Variants in NANS observed in about 807,000 individuals in gnomAD.
The protein encoded by NANS is N-acetylneuraminate synthase, also known as N-acetylneuraminate-9-phosphate synthase.
Under a neutral mutation model 33.3 loss-of-function variants are expected in NANS, and 29 were observed. The ratio of observed to expected loss-of-function variants is 0.87; its 90% confidence interval spans 0.65 to 1.19. The LOEUF is 1.19. Among genes scored for constraint, NANS ranks in the 50% most tolerant of loss-of-function variants. The pLI, the probability that NANS is intolerant of heterozygous loss-of-function variation, is 0.00. For missense variants in NANS, 394 were observed against 461.1 expected, an observed-to-expected ratio of 0.85 and a Z score of 1.33; for synonymous variants, 163 against 177.2, an observed-to-expected ratio of 0.92 and a Z score of 0.64.
At chr9:98,080,107 A>G (rs1482820097) in intron 4 of NANS, among the ~76,000 whole-genome samples, 2 of 152,198 alleles carry the variant, frequency 1.3e-5, no homozygotes, top group South Asian at 4.1e-4. Context: ...CCAGCTGCTC[A>G]GGAGGCTGAG....
chr9:98,079,768 T>C lies in NANS; in HGVS notation c.604-1048T>C, dbSNP rs369779612. Among the ~76,000 whole-genome samples, 369 of 152,340 alleles carry C rather than the reference T, an allele frequency of 2.4e-3. 17 individuals carry two copies. In the South Asian group the frequency reaches 0.073, roughly 30 times the overall value. On this transcript the variant is annotated intron_variant, in intron 4 of 5. Transcript: ENST00000210444. ...TGTCCTCTCTCTTGACACTACACAT[T>C]GCAGGAGTTATTCTGCCAGCCTATC...
rs558755315 is a variant in NANS, at chr9:98,070,306, C to T, written c.349-6612C>T. ...CTAATTTTTGTATTTTTAGTAGAGACGGGGTTTCACCATGTTGACCAGGCT... is the reference window on the plus strand; with the variant it reads ...CTAATTTTTGTATTTTTAGTAGAGATGGGGTTTCACCATGTTGACCAGGCT... On this transcript the variant is annotated intron_variant, in intron 2 of 5. Coordinates refer to ENST00000210444, the MANE Select transcript of NANS (RefSeq NM_018946.4). Among the ~76,000 whole-genome samples, 269 of 152,038 alleles carry T rather than the reference C, an allele frequency of 1.8e-3. 1 individual carries two copies. Among genetic ancestry groups the T allele is most frequent in the Middle Eastern group, 6.8e-3 (2 of 294 alleles).
chr9:98,056,800 G>A lies in NANS; in HGVS notation c.-9G>A. On this transcript the variant is annotated 5_prime_UTR_variant, in exon 1 of 6. Transcript: ENST00000210444. ...CTGGTAGTGAGGCTTTGGACCCCGAGCCGCTGCAATGCCGCTGGAGCTGGA... is the reference window on the plus strand; with the variant it reads ...CTGGTAGTGAGGCTTTGGACCCCGAACCGCTGCAATGCCGCTGGAGCTGGA... 2.5e-6 allele frequency: 4 copies of A among 1,610,900 alleles called. No individual in the cohort carries two copies. Among genetic ancestry groups the A allele is most frequent in the Non-Finnish European group, 3.4e-6 (4 of 1,179,218 alleles).
intron 2 of NANS, chr9:98,061,209 G>A: frequency 1.8e-6 from 1 of 556,322 alleles, no homozygotes; most frequent in Non-Finnish European, 3.2e-6. Flanking sequence ...GGGCTTGATG[G>A]CTCACACCTG....
chr9:98,082,994 A>ACCTTCAAC lies in NANS; in HGVS notation c.1019_1020insCCTTCAAC (p.Glu340AspfsTer14). The stretch of plus-strand genomic sequence containing the variant: ...GGCAAGAAGGTCCTGGTCACTGTTG[A>ACCTTCAAC]AGAGGATGACACCATCATGGAAGAA... On this transcript the variant is annotated frameshift_variant, in exon 6 of 6. Transcript: ENST00000210444. LOFTEE classifies it high-confidence loss of function. The ACCTTCAAC allele has an allele frequency of 6.2e-7, 1 of 1,614,226 alleles. No individual in the cohort carries two copies. The highest frequency in any genetic ancestry group is 8.5e-7 in the Non-Finnish European group (1 of 1,180,040).
At chr9:98,074,963 G>A (rs1829517719) in intron 2 of NANS, 1 of 151,992 alleles carries the variant, frequency 6.6e-6, no homozygotes, top group South Asian at 2.1e-4. Context: ...TCTGTCTTAG[G>A]GCTAGTTAGC....
At chr9:98,080,355 C>T (rs184756980) in intron 4 of NANS, among the ~76,000 whole-genome samples, 12 of 152,264 alleles carry the variant, frequency 7.9e-5, no homozygotes, top group South Asian at 2.1e-4. Flanking sequence ...TTATAGATAA[C>T]GGATTAATTA....
In NANS at chr9:98,081,073, C is replaced by T. The variant is rs761047478; in HGVS notation, c.861C>T (p.Cys287=). 3 of 1,614,138 alleles carry T rather than the reference C, an allele frequency of 1.9e-6. No homozygotes were observed. The South Asian group carries it at 3.3e-5, about 18-fold the overall frequency. The change falls in exon 5 of 6, where the codon TGC becomes TGT. Residue 287 remains cysteine, a synonymous_variant. Transcript: ENST00000210444. ...AGCTGCTGCCCTGTGAGATGGCCTGCAATGAGAAGGTGTGTCCTGCCGGAC... is the reference window on the plus strand; with the variant it reads ...AGCTGCTGCCCTGTGAGATGGCCTGTAATGAGAAGGTGTGTCCTGCCGGAC... The part of the protein sequence containing the change: ...TKQLLPCEMA[C]NEKLGKSVVA...
intron 2 of NANS, among the ~76,000 whole-genome samples, chr9:98,074,073 A>G (rs978974818): frequency 6.6e-6 from 1 of 152,214 alleles, no homozygotes; most frequent in African/African-American, 2.4e-5. Flanking sequence ...GGCATGGGCT[A>G]CCATGCCTGG....
At chr9:98,062,905 T>C (rs1052043929) in intron 2 of NANS, among the ~76,000 whole-genome samples, 1 of 150,942 alleles carries the variant, frequency 6.6e-6, no homozygotes, top group Admixed American at 6.6e-5. Context: ...AAGTTTAAAA[T>C]TAAAAAAAGT....
intron 2 of NANS, among the ~76,000 whole-genome samples, chr9:98,065,431 C>T (rs984589377): frequency 4.7e-5 from 7 of 149,050 alleles, no homozygotes; most frequent in African/African-American, 1.5e-4. Context: ...ATTCTCCTGC[C>T]TCAGCCTCCC....
rs373185613 is a variant in NANS, at chr9:98,060,929, C to G, written c.280C>G (p.Gln94Glu). The G allele has an allele frequency of 6.8e-6, 11 of 1,614,066 alleles. No homozygotes were observed. In the African/African-American group the frequency reaches 1.2e-4, roughly 18 times the overall value. ...ACGACATCTGGAGTTCAGCCATGAC[C>G]AGTACAGGGAGCTGCAGAGGTACGC... Reference protein sequence around the residue: ...HKRHLEFSHDQYRELQRYAEE... With the variant: ...HKRHLEFSHDEYRELQRYAEE... Residue 94 changes from glutamine to glutamate, a missense_variant, in exon 2 of 6, where the codon CAG becomes GAG. Gln to Glu is a conservative substitution (Grantham distance 29). Transcript: ENST00000210444.
chr9:98,063,806 G>A (rs1829055248), intron 2 of NANS, among the ~76,000 whole-genome samples: 1 of 152,146 alleles, frequency 6.6e-6, no homozygotes, highest in African/African-American at 2.4e-5. Context: ...GCCTCCCAAA[G>A]TGCTGGGATT....
At chr9:98,069,448 AT>A (rs1353028210) in intron 2 of NANS, 1 of 151,924 alleles carries the variant, frequency 6.6e-6, no homozygotes, top group Admixed American at 6.6e-5. Flanking sequence ...TAATTTTTGT[AT>A]TTTTTGCAGA....
At chr9:98,068,513 G>A (rs956759839) in intron 2 of NANS, among the ~76,000 whole-genome samples, 1 of 151,500 alleles carries the variant, frequency 6.6e-6, no homozygotes, top group Non-Finnish European at 1.5e-5. Context: ...TGTCAGTATC[G>A]TTAAAGTAAA....
intron 2 of NANS, chr9:98,061,214 C>T: frequency 1.8e-6 from 1 of 545,118 alleles, no homozygotes; most frequent in South Asian, 2.1e-5. Context: ...TGATGGCTCA[C>T]ACCTGTAATC....
At chr9:98,079,285 G>A (rs1490777257) in intron 4 of NANS, among the ~76,000 whole-genome samples, 3 of 152,086 alleles carry the variant, frequency 2.0e-5, no homozygotes, top group African/African-American at 4.8e-5. Context: ...AACTTTATTC[G>A]AAAATATGTA....
chr9:98,076,617 T>C (rs146423178), intron 2 of NANS: 3,287 of 318,172 alleles, frequency 0.01, 119 homozygotes, highest in African/African-American at 0.069. Flanking sequence ...TCAGGTGATC[T>C]GCCCGCCTCG....
chr9:98,076,333 C>T (rs1312534305), intron 2 of NANS: 1 of 152,272 alleles, frequency 6.6e-6, no homozygotes, highest in Admixed American at 6.6e-5. Context: ...GCCTTGGGCC[C>T]CTGGGGCAGG....
Sources: allele counts gnomAD v4.1 joint callset (sites outside exome capture counted in the v4.1 genomes callset), GRCh38; gene constraint gnomAD v4.1.1; transcripts MANE v1.5; gene names NCBI Gene and HGNC (gene_info 2026-07-23, HGNC 2026-07-21).